PTK2: variants seen among roughly 807,000 people sequenced by gnomAD.
PTK2 encodes the protein focal adhesion kinase 1.
PTK2 carries 45 observed loss-of-function variants against 150.1 expected under a neutral mutation model. The observed-to-expected ratio is 0.30, with a 90% CI of 0.24 to 0.38. The LOEUF is 0.38. Ranked by LOEUF, PTK2 falls within the 10% of genes least tolerant of loss-of-function variation. PTK2 has a pLI of 1.00. For synonymous variants in PTK2, 432 were observed against 449.2 expected (o/e 0.96, Z 0.48); for missense variants, 919 against 1,307.3 (o/e 0.70, Z 4.58).
chr8:140,748,557 T>A (rs1238894139), intron 17 of PTK2, among the ~76,000 whole-genome samples: 1 of 149,226 alleles, frequency 6.7e-6, no homozygotes, highest in African/African-American at 2.5e-5. Context: ...ATGAGAGAAA[T>A]GCCAGCTGCT....
intron 1 of PTK2, among the ~76,000 whole-genome samples, chr8:140,953,701 T>TG (rs1569455601): frequency 6.6e-6 from 1 of 152,072 alleles, no homozygotes; most frequent in Admixed American, 6.5e-5. Context: ...AACCACAGAC[T>TG]GGGGGGAGGG....
chr8:140,919,694 C>T (rs1012593546), intron 2 of PTK2, among the ~76,000 whole-genome samples: 1 of 152,118 alleles, frequency 6.6e-6, no homozygotes, highest in African/African-American at 2.4e-5. Flanking sequence ...ATTTCTGATG[C>T]TCAGAAACTA....
At chr8:140,812,540 T>A (rs531602602) in intron 10 of PTK2, among the ~76,000 whole-genome samples, 1 of 152,150 alleles carries the variant, frequency 6.6e-6, no homozygotes, top group Non-Finnish European at 1.5e-5. Flanking sequence ...CACATATCAA[T>A]ACTAACCTTG....
rs540729402 is a variant in PTK2, at chr8:140,722,426, T to C, written c.2031-4717A>G. ...CATCACCAGGCCTGGTTGATTCTTT[T>C]TTATTTTTTGTAACAATTAAATAAT... is the stretch of plus-strand genomic sequence containing the variant. On this transcript the variant is annotated intron_variant, in intron 22 of 31. Transcript: ENST00000522684. Among the ~76,000 whole-genome samples the C allele has an allele frequency of 4.6e-5, 7 of 152,206 alleles. No individual in the cohort carries two copies. In the South Asian group the frequency reaches 1.5e-3, roughly 32 times the overall value.
intron 1 of PTK2, among the ~76,000 whole-genome samples, chr8:140,987,053 C>A (rs929110531): frequency 6.6e-6 from 1 of 151,902 alleles, no homozygotes; most frequent in Non-Finnish European, 1.5e-5. Context: ...GCTCTTCAAG[C>A]CACTGTTAAG....
chr8:140,996,558 G>A (rs1479321411), intron 1 of PTK2, among the ~76,000 whole-genome samples: 1 of 152,214 alleles, frequency 6.6e-6, no homozygotes, highest in Non-Finnish European at 1.5e-5. Flanking sequence ...GGCAGCTGGT[G>A]ATCTCAAGTT....
At chr8:140,890,520 G>A in intron 3 of PTK2, 23 bp downstream of exon 3, 1 of 1,571,802 alleles carries the variant, frequency 6.4e-7, no homozygotes, top group Non-Finnish European at 8.7e-7. Flanking sequence ...CATTAAAGAT[G>A]TCTCATGGAA....
chr8:140,893,845 G>A (rs899657484), intron 2 of PTK2, among the ~76,000 whole-genome samples: 1 of 152,066 alleles, frequency 6.6e-6, no homozygotes, highest in Non-Finnish European at 1.5e-5. Flanking sequence ...TTTTAAAAAG[G>A]TCATAGCAGT....
intron 31 of PTK2, among the ~76,000 whole-genome samples, chr8:140,664,272 G>A (rs1255164919): frequency 6.6e-6 from 1 of 152,146 alleles, no homozygotes; most frequent in Non-Finnish European, 1.5e-5. Flanking sequence ...GTGAGCCACT[G>A]CGCCTGGCCT....
rs2100020175 is a variant in PTK2 at position 140,686,809 on chromosome 8, T to G, written c.2500-115A>C. On this transcript the variant is annotated intron_variant, in intron 26 of 31. Coordinates refer to ENST00000522684, the Ensembl canonical transcript of PTK2. The stretch of plus-strand genomic sequence containing the variant: ...CAATTGTCCTCTGAATAAGAAGAGT[T>G]GAAAGTTCCCCCGTTTCAAAAAAAT... 21 of 918,978 alleles carry G rather than the reference T, an allele frequency of 2.3e-5. No homozygotes were observed. In the South Asian group the frequency reaches 2.7e-4, roughly 12 times the overall value. 56.9% of individuals were successfully genotyped at this position (918,978 alleles called of 1,614,324 possible). A position where few individuals can be genotyped will look rare whatever the true frequency, so the allele number is the denominator to read the frequency against.
intron 22 of PTK2, among the ~76,000 whole-genome samples, chr8:140,726,037 C>CA (rs547191483): frequency 7.9e-5 from 12 of 150,998 alleles, no homozygotes; most frequent in East Asian, 1.9e-4. Context: ...AAACAGAATA[C>CA]AAAAAAAAGA....
intron 23 of PTK2, among the ~76,000 whole-genome samples, chr8:140,706,472 T>C (rs1311438057): frequency 6.6e-6 from 1 of 152,176 alleles, no homozygotes; most frequent in Non-Finnish European, 1.5e-5. Context: ...CAGGTCTAAA[T>C]GTAAAAGTTA....
chr8:140,909,818 C>T (rs2100162393), intron 2 of PTK2, among the ~76,000 whole-genome samples: 1 of 152,040 alleles, frequency 6.6e-6, no homozygotes, highest in Admixed American at 6.6e-5. Flanking sequence ...ATTACTTAGT[C>T]CTAATCAACA....
intron 8 of PTK2, among the ~76,000 whole-genome samples, chr8:140,828,410 T>C (rs559627523): frequency 8.2e-4 from 125 of 152,316 alleles, no homozygotes; most frequent in African/African-American, 2.9e-3. Context: ...GACCTGTACC[T>C]GTGGTTCCGT....
chr8:140,961,217 T>C (rs1041267703), intron 1 of PTK2, among the ~76,000 whole-genome samples: 1 of 152,364 alleles, frequency 6.6e-6, no homozygotes, highest in East Asian at 1.9e-4. Context: ...GCTAAGCTTA[T>C]GGATGGTATC....
chr8:140,672,340 T>G (rs2095657271), intron 29 of PTK2, among the ~76,000 whole-genome samples: 1 of 152,122 alleles, frequency 6.6e-6, no homozygotes, highest in Non-Finnish European at 1.5e-5. Context: ...TGGCTCCTTT[T>G]TAGAAATTTA....
intron 4 of PTK2, among the ~76,000 whole-genome samples, chr8:140,876,313 G>T (rs62521897): frequency 0.085 from 12,949 of 152,152 alleles, 734 homozygotes; most frequent in Middle Eastern, 0.13. Flanking sequence ...ATCTCACCCT[G>T]TTCTTGAATG....
chr8:140,909,354 T>C (rs2100162166), intron 2 of PTK2, among the ~76,000 whole-genome samples: 2 of 152,208 alleles, frequency 1.3e-5, no homozygotes, highest in African/African-American at 2.4e-5. Context: ...TTACGTACTT[T>C]CCATGAGTAA....
At chr8:140,912,430 A>C (rs76536073) in intron 2 of PTK2, among the ~76,000 whole-genome samples, 19,676 of 151,886 alleles carry the variant, frequency 0.13, 1,969 homozygotes, top group East Asian at 0.46. Flanking sequence ...GGAGCTTGAG[A>C]TCAGCCTGGG....
Sources: gnomAD v4.1 joint callset for allele counts (sites outside exome capture counted in the v4.1 genomes callset) on GRCh38, gnomAD v4.1.1 for gene constraint, MANE v1.5 for transcripts, NCBI Gene and HGNC (gene_info 2026-07-23, HGNC 2026-07-21) for gene names.